Variants in PCSK2 observed in about 807,000 individuals in gnomAD.
The protein encoded by PCSK2 is neuroendocrine convertase 2.
In PCSK2, 14 loss-of-function variants were observed where a neutral mutation model predicts 69.7. The ratio of observed to expected loss-of-function variants is 0.20; its 90% CI spans 0.13 to 0.31. PCSK2 has a LOEUF of 0.31. Ranked by LOEUF, PCSK2 falls within the 10% of genes least tolerant of loss-of-function variation. PCSK2 has a pLI of 1.00. For synonymous variants in PCSK2, 307 were observed against 320.7 expected (o/e 0.96, Z 0.46); for missense variants, 544 against 842.5 (o/e 0.65, Z 4.39).
chr20:17,295,352 A>AT (rs1490655676), intron 2 of PCSK2, among the ~76,000 whole-genome samples: 1 of 151,990 alleles, frequency 6.6e-6, no homozygotes, highest in Non-Finnish European at 1.5e-5. Context: ...AGACAGTCTG[A>AT]TTCAGAGCCA....
At chr20:17,466,980 C>G (rs1446144727) in intron 11 of PCSK2, among the ~76,000 whole-genome samples, 1 of 152,210 alleles carries the variant, frequency 6.6e-6, no homozygotes, top group Admixed American at 6.5e-5. Context: ...CTCATTCTAC[C>G]TTGAGAATAC....
At chr20:17,348,548 T>C (rs1265783737) in intron 2 of PCSK2, among the ~76,000 whole-genome samples, 1 of 152,174 alleles carries the variant, frequency 6.6e-6, no homozygotes, top group African/African-American at 2.4e-5. Flanking sequence ...GCTAGACTGC[T>C]GGAGTGTCGT....
At chr20:17,421,801 G>A (rs1215503624) in intron 6 of PCSK2, among the ~76,000 whole-genome samples, 1 of 79,906 alleles carries the variant, frequency 1.3e-5, no homozygotes, top group Non-Finnish European at 2.2e-5. Flanking sequence ...AGGAAAGGAA[G>A]AGAGGTAAAA....
chr20:17,454,032 T>G, intron 9 of PCSK2, 75 bp downstream of exon 9: 5 of 1,582,088 alleles, frequency 3.2e-6, no homozygotes, highest in Non-Finnish European at 4.3e-6. Context: ...GCTGGGACAC[T>G]GGCTTGCTCC....
In PCSK2 at chr20:17,260,300, A is replaced by G. The variant is rs1267879920; in HGVS notation, c.238A>G (p.Arg80Gly). 5.6e-6 allele frequency: 9 copies of G among 1,613,982 alleles called. 1 individual carries two copies. In the Middle Eastern group the frequency reaches 1.2e-3, roughly 207 times the overall value. The change falls in exon 2 of 12, where the codon AGA becomes GGA. Residue 80 changes from arginine to glycine, a missense_variant. By Grantham distance (125) the Arg-to-Gly change is moderately radical. Transcript: ENST00000262545. The part of the protein sequence containing the change: ...YHNGLAKAKR[R>G]RSLHHKQQLE... ...CAATGGCCTTGCAAAGGCCAAGAGAAGACGCAGCCTACACCACAAGCAGCA... is the reference window on the plus strand; with the variant it reads ...CAATGGCCTTGCAAAGGCCAAGAGAGGACGCAGCCTACACCACAAGCAGCA...
Position 17,341,847 on chromosome 20 carries a change from C to CT in PCSK2, c.283-16471dup, listed in dbSNP as rs11477450. ...TTTACAGAAAAATCTATCTCCACAA[C>CT]TTTTTTTTTCCACAGTGTTCCATGA... On this transcript the variant is annotated intron_variant, in intron 2 of 11. Transcript: ENST00000262545. Among the ~76,000 whole-genome samples, 71 of 151,952 alleles carry CT rather than the reference C, an allele frequency of 4.7e-4. 4 individuals carry two copies. The East Asian group carries it at 7.3e-3, about 16-fold the overall frequency.
intron 6 of PCSK2, among the ~76,000 whole-genome samples, chr20:17,418,031 C>A (rs1447290019): frequency 6.6e-6 from 1 of 152,160 alleles, no homozygotes; most frequent in African/African-American, 2.4e-5. Context: ...TTCCAAGGAG[C>A]TTGCAATGTC....
chr20:17,226,531 GAA>G (rs1427562555), upstream of PCSK2, among the ~76,000 whole-genome samples: 2 of 118,334 alleles, frequency 1.7e-5, no homozygotes, highest in Non-Finnish European at 3.4e-5. Context: ...GAGAGAGAGA[GAA>G]AGAGAGAGAG....
chr20:17,363,322 C>T (rs2030467794), intron 4 of PCSK2, among the ~76,000 whole-genome samples: 1 of 152,180 alleles, frequency 6.6e-6, no homozygotes, highest in Non-Finnish European at 1.5e-5. Flanking sequence ...GCTGCCTTCA[C>T]GTAGGTACAA....
intron 2 of PCSK2, among the ~76,000 whole-genome samples, chr20:17,329,691 A>C (rs1199201654): frequency 6.6e-6 from 1 of 152,250 alleles, no homozygotes; most frequent in Non-Finnish European, 1.5e-5. Flanking sequence ...AAAATTAAAA[A>C]AGAAAAACAA....
At chr20:17,327,758 T>C (rs1213948306) in intron 2 of PCSK2, among the ~76,000 whole-genome samples, 4 of 152,234 alleles carry the variant, frequency 2.6e-5, no homozygotes, top group Non-Finnish European at 5.9e-5. Flanking sequence ...TGGTTTCTAT[T>C]ACCATTTTTT....
At chr20:17,331,474 A>G (rs1296601539) in intron 2 of PCSK2, among the ~76,000 whole-genome samples, 1 of 152,224 alleles carries the variant, frequency 6.6e-6, no homozygotes, top group African/African-American at 2.4e-5. Context: ...CCTGACAAGT[A>G]AAGAATACTT....
chr20:17,448,687 A>G (rs1014258454), intron 8 of PCSK2, among the ~76,000 whole-genome samples: 7 of 152,164 alleles, frequency 4.6e-5, no homozygotes, highest in African/African-American at 1.7e-4. Flanking sequence ...GTGATCACCA[A>G]AAATGTCTCC....
intron 4 of PCSK2, among the ~76,000 whole-genome samples, 155 bp from the exon 5 acceptor site, chr20:17,369,085 G>A (rs1278677311): frequency 6.6e-6 from 1 of 152,156 alleles, no homozygotes; most frequent in Admixed American, 6.5e-5. Flanking sequence ...CAGAAGGGAG[G>A]TGCAAGACTG....
chr20:17,480,459 G>T (rs1444181089), intron 11 of PCSK2, among the ~76,000 whole-genome samples: 1 of 152,134 alleles, frequency 6.6e-6, no homozygotes, highest in African/African-American at 2.4e-5. Flanking sequence ...AAAGTGCTGG[G>T]ATTACAGGCG....
chr20:17,443,091 C>T (rs980070842), intron 8 of PCSK2, among the ~76,000 whole-genome samples: 1 of 152,156 alleles, frequency 6.6e-6, no homozygotes, highest in Non-Finnish European at 1.5e-5. Context: ...AAGGAATTCA[C>T]CACTTTTACA....
intron 2 of PCSK2, among the ~76,000 whole-genome samples, chr20:17,263,482 G>A (rs898857812): frequency 6.6e-6 from 1 of 152,204 alleles, no homozygotes; most frequent in Non-Finnish European, 1.5e-5. Flanking sequence ...TGCACAGTGA[G>A]ATGTTCAGGA....
chr20:17,243,403 T>C (rs559721436), intron 1 of PCSK2, among the ~76,000 whole-genome samples: 137 of 152,326 alleles, frequency 9.0e-4, no homozygotes, highest in African/African-American at 3.2e-3. Context: ...CCTGGCAATG[T>C]TGCCCAGGCT....
chr20:17,294,288 A>G (rs1988809793), intron 2 of PCSK2, among the ~76,000 whole-genome samples: 1 of 150,288 alleles, frequency 6.7e-6, no homozygotes, highest in Admixed American at 6.6e-5. Context: ...TTGTATTTTT[A>G]GTAGAGACGG....
Sources: gnomAD v4.1 joint callset for allele counts (sites outside exome capture counted in the v4.1 genomes callset) on GRCh38, gnomAD v4.1.1 for gene constraint, MANE v1.5 for transcripts, NCBI Gene and HGNC (gene_info 2026-07-23, HGNC 2026-07-21) for gene names.